The following NCOA2 variants were observed in gnomAD, a reference collection of about 807,000 sequenced individuals.
The protein encoded by NCOA2 is class E basic helix-loop-helix protein 75.
NCOA2 carries 21 observed loss-of-function variants against 145.1 expected under a neutral mutation model. The ratio of observed to expected loss-of-function variants is 0.14; its 90% CI spans 0.10 to 0.21. NCOA2 has a LOEUF of 0.21. NCOA2 is among the 10% of genes least tolerant of loss of function. The pLI is 1.00. For missense variants in NCOA2, 1,472 were observed against 1,837.6 expected (o/e 0.80, Z 3.64); for synonymous variants, 619 against 637.5 (o/e 0.97, Z 0.44).
intron 4 of NCOA2, among the ~76,000 whole-genome samples, chr8:70,206,063 T>C (rs1217035874): frequency 2.0e-5 from 3 of 152,158 alleles, no homozygotes; most frequent in Non-Finnish European, 4.4e-5. Context: ...TCACTAAAGC[T>C]GGGGTGGGAG....
chr8:70,159,242 A>ATATTTTTTT lies in NCOA2; in HGVS notation c.1124+262_1124+263insAAAAAAATA. On this transcript the variant is annotated intron_variant, in intron 10 of 22. Coordinates refer to ENST00000452400, the MANE Select transcript of NCOA2 (RefSeq NM_006540.4). ...TAACATTATATATATATATATATAT[A>ATATTTTTTT]TTTTTTTTTTTTTCCCCCAAATATT... Among the ~76,000 whole-genome samples the ATATTTTTTT allele has an allele frequency of 1.4e-3, 83 of 61,072 alleles. 1 individual carries two copies. Among genetic ancestry groups the ATATTTTTTT allele is most frequent in the African/African-American group, 3.7e-3 (69 of 18,492 alleles). The allele number at this position is 61,072 out of a possible 152,430, so 40.1% of individuals were successfully genotyped here. A position where few individuals can be genotyped will look rare whatever the true frequency, so the allele number is the denominator to read the frequency against.
chr8:70,346,192 A>G lies in NCOA2; in HGVS notation c.-76-49392T>C, dbSNP rs1388059077. Among the ~76,000 whole-genome samples, 3 of 152,222 alleles carry G rather than the reference A, an allele frequency of 2.0e-5. No homozygotes were observed. In the East Asian group the frequency reaches 5.8e-4, roughly 29 times the overall value. On this transcript the variant is annotated intron_variant, in intron 1 of 22. Coordinates refer to ENST00000452400, the MANE Select transcript of NCOA2 (RefSeq NM_006540.4). ...AAGAAAATGTTTTATCAAGAGTAGAATAATTTCACGTGTATCTCCTTCTTT... is the reference window on the plus strand; with the variant it reads ...AAGAAAATGTTTTATCAAGAGTAGAGTAATTTCACGTGTATCTCCTTCTTT...
intron 15 of NCOA2, among the ~76,000 whole-genome samples, chr8:70,135,488 C>G (rs1453308567): frequency 4.6e-5 from 7 of 152,122 alleles, no homozygotes. Context: ...TTAAAAACCA[C>G]TTTTATATTC....
At chr8:70,303,229 T>C (rs207469331) in intron 1 of NCOA2, among the ~76,000 whole-genome samples, 1 of 152,072 alleles carries the variant, frequency 6.6e-6, no homozygotes, top group Admixed American at 6.5e-5. Context: ...GCAGAAAATA[T>C]AAAGAAAGGA....
In NCOA2 at chr8:70,181,378, C is replaced by T. The variant is rs117560701; in HGVS notation, c.260-6519G>A. On this transcript the variant is annotated intron_variant, in intron 4 of 22. Coordinates refer to ENST00000452400, the MANE Select transcript of NCOA2 (RefSeq NM_006540.4). ...TCATCTGAAGAGGTTGTAGAAAACGCGCAGAAATTAGTCTATCTTCAAAAA... is the reference window on the plus strand; with the variant it reads ...TCATCTGAAGAGGTTGTAGAAAACGTGCAGAAATTAGTCTATCTTCAAAAA... Among the ~76,000 whole-genome samples the T allele has an allele frequency of 3.9e-3, 589 of 152,262 alleles. 2 individuals carry two copies. Among genetic ancestry groups the T allele is most frequent in the Non-Finnish European group, 6.2e-3 (422 of 68,016 alleles).
At chr8:70,357,325 T>A (rs1257289970) in intron 1 of NCOA2, 1 of 152,126 alleles carries the variant, frequency 6.6e-6, no homozygotes, top group Non-Finnish European at 1.5e-5. Context: ...TTTTTTTTTT[T>A]ACACTGAAAA....
chr8:70,159,240 A>ATTTTT (rs1342064441), intron 10 of NCOA2, among the ~76,000 whole-genome samples: 1 of 92,986 alleles, frequency 1.1e-5, no homozygotes, highest in African/African-American at 5.4e-5. Context: ...ATATATATAT[A>ATTTTT]TATTTTTTTT....
chr8:70,231,415 T>C (rs1390197220), intron 2 of NCOA2, among the ~76,000 whole-genome samples: 1 of 152,248 alleles, frequency 6.6e-6, no homozygotes, highest in Non-Finnish European at 1.5e-5. Flanking sequence ...GTAATGCTGT[T>C]GTGCAGATGA....
the NCOA2 span, among the ~76,000 whole-genome samples, chr8:70,448,839 C>T: frequency 6.7e-6 from 1 of 149,198 alleles, no homozygotes; most frequent in East Asian, 2.0e-4. Flanking sequence ...GAGTCTTGCT[C>T]TGTCAACCAG....
the NCOA2 span, among the ~76,000 whole-genome samples, chr8:70,437,622 G>A: frequency 0.15 from 22,159 of 152,134 alleles, 1,971 homozygotes; most frequent in African/African-American, 0.24. Context: ...CAGTGCATAA[G>A]ACAATACATT....
chr8:70,313,500 G>C (rs73288527), intron 1 of NCOA2, among the ~76,000 whole-genome samples: 5,560 of 152,216 alleles, frequency 0.037, 357 homozygotes, highest in African/African-American at 0.13. Flanking sequence ...ACTGGTAATA[G>C]TGGTAACTCG....
chr8:70,166,726 A>T lies in NCOA2; in HGVS notation c.570T>A (p.Pro190=), dbSNP rs1264507340. The T allele has an allele frequency of 1.2e-6, 2 of 1,613,962 alleles. No homozygotes were observed. The highest frequency in any genetic ancestry group is 1.7e-6 in the Non-Finnish European group (2 of 1,179,868). ...TGAAGGTATGGCTGTTCCGCCTCGGAGGTTCGCCAGACCAAGATCCCCCAT... is the reference window on the plus strand; with the variant it reads ...TGAAGGTATGGCTGTTCCGCCTCGGTGGTTCGCCAGACCAAGATCCCCCAT... ...IVNGGSWSGE[P]PRRNSHTFNC... The change falls in exon 7 of 23, where the codon CCT becomes CCA. Residue 190 remains proline (P), a synonymous_variant. Transcript: ENST00000452400.
At chr8:70,415,015 A>T in the NCOA2 span, among the ~76,000 whole-genome samples, 2 of 152,116 alleles carry the variant, frequency 1.3e-5, no homozygotes, top group African/African-American at 2.4e-5. Flanking sequence ...TAGTTCAAGT[A>T]CTGGAGACTA....
chr8:70,416,849 C>T, the NCOA2 span, among the ~76,000 whole-genome samples: 2 of 152,276 alleles, frequency 1.3e-5, no homozygotes, highest in East Asian at 3.9e-4. Flanking sequence ...GGCTCATCTC[C>T]CAACACTATT....
intron 2 of NCOA2, among the ~76,000 whole-genome samples, chr8:70,218,387 T>G (rs1394895051): frequency 1.3e-5 from 2 of 152,128 alleles, no homozygotes; most frequent in Non-Finnish European, 2.9e-5. Context: ...TGTCCCACAC[T>G]GTGGTCACAA....
At chr8:70,412,397 T>TA in the NCOA2 span, among the ~76,000 whole-genome samples, 8 of 148,932 alleles carry the variant, frequency 5.4e-5, no homozygotes, top group Admixed American at 1.3e-4. Context: ...ACAACATATT[T>TA]TATATATATA....
At position 70,110,541 on chromosome 8, in the gene NCOA2, T is replaced by G. The variant is rs1205005926; in HGVS notation, c.*3091A>C. The stretch of plus-strand genomic sequence containing the variant: ...ATACCACCATACAAACACTAGAAAA[T>G]TTTAAATTCACACCAACAATTAATG... On this transcript the variant is annotated 3_prime_UTR_variant, in exon 23 of 23. Transcript: ENST00000452400. The G allele has an allele frequency of 4.9e-6, 1 of 204,238 alleles. No individual in the cohort carries two copies. The highest frequency in any genetic ancestry group is 7.6e-5 in the East Asian group (1 of 13,168). The allele number at this position is 204,238 out of a possible 1,614,324, so 12.7% of individuals were successfully genotyped here.
intron 2 of NCOA2, among the ~76,000 whole-genome samples, chr8:70,232,750 A>T (rs1821246077): frequency 1.3e-5 from 2 of 152,020 alleles, no homozygotes. Context: ...GGATGAGCTT[A>T]AATTCCTCTC....
chr8:70,189,124 C>A (rs1287297299), intron 4 of NCOA2, among the ~76,000 whole-genome samples: 1 of 152,128 alleles, frequency 6.6e-6, no homozygotes, highest in Non-Finnish European at 1.5e-5. Flanking sequence ...TTCCTCCGGA[C>A]ACGCCCAGCC....
Sources: gnomAD v4.1 joint callset for allele counts (sites outside exome capture counted in the v4.1 genomes callset) on GRCh38, gnomAD v4.1.1 for gene constraint, MANE v1.5 for transcripts, NCBI Gene and HGNC (gene_info 2026-07-23, HGNC 2026-07-21) for gene names.